KDM4C: variants seen among roughly 807,000 people sequenced by gnomAD.
KDM4C encodes the protein lysine demethylase 4C, also known as lysine-specific demethylase 4C.
A neutral mutation model predicts 129.3 loss-of-function variants in KDM4C; 81 were observed. That is an observed-to-expected ratio of 0.63 (90% confidence interval 0.52 to 0.75). KDM4C has a LOEUF of 0.75. Among genes scored for constraint, KDM4C ranks in the 30% least tolerant of loss-of-function variants. The pLI is 0.00. For synonymous variants in KDM4C, 573 were observed against 456.1 expected, an observed-to-expected ratio of 1.26 and a Z score of -3.26; for missense variants, 1,457 against 1,304.0, an observed-to-expected ratio of 1.12 and a Z score of -1.81.
chr9:7,088,520 A>G lies in KDM4C; in HGVS notation c.2425-15165A>G, dbSNP rs1027436506. Among the ~76,000 whole-genome samples, 3 of 152,218 alleles carry G rather than the reference A, an allele frequency of 2.0e-5. No homozygotes were observed. The East Asian group carries it at 5.8e-4, about 29-fold the overall frequency. ...GTCTGTTAAAATTCAGAAGTAGTCCATGATTTGTAGCCAGCTTTCTGGATC... is the reference window on the plus strand; with the variant it reads ...GTCTGTTAAAATTCAGAAGTAGTCCGTGATTTGTAGCCAGCTTTCTGGATC... On this transcript the variant is annotated intron_variant, in intron 17 of 21. Transcript: ENST00000381309.
Position 7,126,720 on chromosome 9 carries a change from A to G in KDM4C, c.2611-1346A>G, listed in dbSNP as rs1159920944. Among the ~76,000 whole-genome samples, 4 of 152,194 alleles carry G rather than the reference A, an allele frequency of 2.6e-5. No individual in the cohort carries two copies. In the East Asian group the frequency reaches 7.7e-4, roughly 29 times the overall value. On this transcript the variant is annotated intron_variant, in intron 18 of 21. Coordinates refer to ENST00000381309, the MANE Select transcript of KDM4C (RefSeq NM_015061.6). ...ATACTCCTCTAATAAGAGCATACCT[A>G]AGCACCTGTATCTGAGTTTCTAATG...
chr9:6,855,049 A>G (rs1588711154), intron 5 of KDM4C, among the ~76,000 whole-genome samples: 1 of 152,230 alleles, frequency 6.6e-6, no homozygotes. Flanking sequence ...GATGTAACAC[A>G]GTGCTCAATA....
chr9:6,909,201 A>T (rs1818846805), intron 8 of KDM4C, among the ~76,000 whole-genome samples: 1 of 152,256 alleles, frequency 6.6e-6, no homozygotes, highest in Admixed American at 6.5e-5. Context: ...ATAGGCAGAG[A>T]GAGGGGTCTG....
At chr9:6,823,798 A>G (rs1198804476) in intron 4 of KDM4C, among the ~76,000 whole-genome samples, 1 of 152,222 alleles carries the variant, frequency 6.6e-6, no homozygotes, top group East Asian at 1.9e-4. Context: ...AGAGATTGGG[A>G]CATGTCAAGT....
intron 18 of KDM4C, among the ~76,000 whole-genome samples, chr9:7,116,198 A>C (rs1838877313): frequency 6.6e-6 from 1 of 152,082 alleles, no homozygotes; most frequent in African/African-American, 2.4e-5. Flanking sequence ...CAGATACCTT[A>C]ATGAGTTATT....
chr9:7,155,819 A>C (rs1310340758), intron 19 of KDM4C, among the ~76,000 whole-genome samples: 1 of 152,244 alleles, frequency 6.6e-6, no homozygotes, highest in Non-Finnish European at 1.5e-5. Context: ...CAATAAACAT[A>C]CATGTGCATG....
chr9:7,030,343 C>T (rs1826516963), intron 15 of KDM4C, among the ~76,000 whole-genome samples: 1 of 152,248 alleles, frequency 6.6e-6, no homozygotes, highest in African/African-American at 2.4e-5. Flanking sequence ...CATCATTATA[C>T]ATCATTCATC....
Position 6,925,102 on chromosome 9 carries a change from C to T in KDM4C, c.921+31870C>T, listed in dbSNP as rs1366750767. 40 of 985,258 alleles carry T rather than the reference C, an allele frequency of 4.1e-5. No individual in the cohort carries two copies. In the Admixed American group the frequency reaches 2.4e-3, roughly 59 times the overall value. 61.0% of individuals were successfully genotyped at this position (985,258 alleles called of 1,614,324 possible). ...TTAAAATTTAGCTTTCTAGTACAGA[C>T]CATGCATTTTTCCTCTTTGAACTCT... On this transcript the variant is annotated intron_variant, in intron 8 of 21. Transcript: ENST00000381309.
At chr9:6,754,903 A>G (rs926328865), upstream of KDM4C, among the ~76,000 whole-genome samples, 11 of 147,718 alleles carry the variant, frequency 7.4e-5, no homozygotes, top group Non-Finnish European at 1.3e-4. Context: ...AAAAAAAAAA[A>G]GCAGCATATA....
intron 19 of KDM4C, among the ~76,000 whole-genome samples, chr9:7,132,081 G>A (rs1440101045): frequency 6.6e-6 from 1 of 152,172 alleles, no homozygotes; most frequent in Non-Finnish European, 1.5e-5. Context: ...TCAGGTACTG[G>A]TTAACTAGAA....
chr9:6,998,728 G>A (rs1340428269), intron 12 of KDM4C, among the ~76,000 whole-genome samples: 2 of 152,194 alleles, frequency 1.3e-5, no homozygotes, highest in Admixed American at 6.5e-5. Context: ...CCTGGGAGGT[G>A]GAGGCTGCAG....
chr9:6,970,621 T>G (rs1443100869), intron 8 of KDM4C, among the ~76,000 whole-genome samples: 2 of 152,340 alleles, frequency 1.3e-5, no homozygotes, highest in East Asian at 3.9e-4. Flanking sequence ...TAATTTAGTC[T>G]TGGGCCAGAG....
At chr9:6,977,463 A>C (rs951456757) in intron 8 of KDM4C, among the ~76,000 whole-genome samples, 1 of 152,174 alleles carries the variant, frequency 6.6e-6, no homozygotes, top group African/African-American at 2.4e-5. Context: ...CATGTCTCCC[A>C]AAACCACATA....
At chr9:7,125,662 A>T (rs1839957808) in intron 18 of KDM4C, among the ~76,000 whole-genome samples, 1 of 152,234 alleles carries the variant, frequency 6.6e-6, no homozygotes, top group Non-Finnish European at 1.5e-5. Context: ...GTGATTCTGG[A>T]TGATGATAAA....
At position 6,925,183 on chromosome 9, in the gene KDM4C, C is replaced by A. The variant is rs550849389; in HGVS notation, c.921+31951C>A. The A allele has an allele frequency of 4.1e-6, 4 of 985,408 alleles. 1 individual carries two copies. In the South Asian group the frequency reaches 1.9e-4, roughly 46 times the overall value. The allele number at this position is 985,408 out of a possible 1,614,324, so 61.0% of individuals were successfully genotyped here. A position where few individuals can be genotyped will look rare whatever the true frequency, so the allele number is the denominator to read the frequency against. ...AGTCCTTATCATCGTGCGTAAACAT[C>A]CAGGGCTGTCACTGTTGGCGATACA... On this transcript the variant is annotated intron_variant, in intron 8 of 21. Coordinates refer to ENST00000381309, the MANE Select transcript of KDM4C (RefSeq NM_015061.6).
chr9:7,086,019 A>G (rs1053886026), intron 17 of KDM4C, among the ~76,000 whole-genome samples: 1 of 152,104 alleles, frequency 6.6e-6, no homozygotes, highest in East Asian at 1.9e-4. Context: ...TTAGCCAGGC[A>G]TAGTGGCATG....
intron 8 of KDM4C, among the ~76,000 whole-genome samples, chr9:6,900,053 A>G (rs1817124697): frequency 6.6e-6 from 1 of 152,232 alleles, no homozygotes; most frequent in Non-Finnish European, 1.5e-5. Context: ...ATAATATTTG[A>G]CATTGTCTCC....
chr9:6,788,833 G>C (rs940934762), intron 1 of KDM4C, among the ~76,000 whole-genome samples: 6 of 152,152 alleles, frequency 3.9e-5, no homozygotes, highest in African/African-American at 7.2e-5. Context: ...CTGTTCCAGA[G>C]GATTAGGAAT....
At chr9:6,736,119 G>C (rs1329457500) in intron 1 of KDM4C, among the ~76,000 whole-genome samples, 2 of 152,126 alleles carry the variant, frequency 1.3e-5, no homozygotes, top group African/African-American at 2.4e-5. Context: ...GGTATCTGGT[G>C]GAAGAAATTT....
Sources: allele counts gnomAD v4.1 joint callset (sites outside exome capture counted in the v4.1 genomes callset), GRCh38; gene constraint gnomAD v4.1.1; transcripts MANE v1.5; gene names NCBI Gene and HGNC (gene_info 2026-07-23, HGNC 2026-07-21).